The following SYNPR variants were observed in gnomAD, a reference collection of about 807,000 sequenced individuals.
The protein encoded by SYNPR is synaptoporin.
A neutral mutation model predicts 32.9 loss-of-function variants in SYNPR; 23 were observed. That is an observed-to-expected ratio of 0.70 (90% confidence interval 0.50 to 0.99). The LOEUF (loss-of-function observed/expected upper bound fraction) is 0.99. Ranked by LOEUF, SYNPR falls within the 50% of genes least tolerant of loss-of-function variation. The pLI, the probability that SYNPR is intolerant of heterozygous loss-of-function variation, is 0.00. For synonymous variants in SYNPR, 146 were observed against 135.9 expected (o/e 1.07, Z -0.52); for missense variants, 318 against 349.3 (o/e 0.91, Z 0.71).
At chr3:63,321,890 G>A (rs1266678801) in intron 2 of SYNPR, among the ~76,000 whole-genome samples, 2 of 152,036 alleles carry the variant, frequency 1.3e-5, no homozygotes, top group Non-Finnish European at 2.9e-5. Context: ...TTCCCTTGAA[G>A]AGGTCAACTA....
At chr3:63,562,805 T>G (rs965959051) in intron 4 of SYNPR, among the ~76,000 whole-genome samples, 2 of 152,208 alleles carry the variant, frequency 1.3e-5, no homozygotes, top group African/African-American at 2.4e-5. Context: ...CCAGTGATCT[T>G]CAGGGTAGTG....
intron 2 of SYNPR, among the ~76,000 whole-genome samples, chr3:63,415,587 G>A (rs936354628): frequency 2.0e-5 from 3 of 152,154 alleles, no homozygotes; most frequent in Non-Finnish European, 4.4e-5. Context: ...TAGCACAAAA[G>A]CAGCCATAGA....
At chr3:63,333,248 A>G (rs574077490) in intron 2 of SYNPR, among the ~76,000 whole-genome samples, 1 of 151,876 alleles carries the variant, frequency 6.6e-6, no homozygotes, top group Non-Finnish European at 1.5e-5. Context: ...ACCTTAATCA[A>G]CAGTGAGTTC....
intron 3 of SYNPR, among the ~76,000 whole-genome samples, chr3:63,548,967 G>C (rs1447944007): frequency 6.6e-6 from 1 of 152,196 alleles, no homozygotes; most frequent in Non-Finnish European, 1.5e-5. Context: ...GACCATAATA[G>C]TGTGGTGCTA....
chr3:63,319,713 G>A (rs1480327855), intron 2 of SYNPR, among the ~76,000 whole-genome samples: 1 of 151,790 alleles, frequency 6.6e-6, no homozygotes, highest in Non-Finnish European at 1.5e-5. Flanking sequence ...ACAATCTACA[G>A]AGTCAATGCA....
At chr3:63,238,495 T>C (rs1442979973) in intron 1 of SYNPR, among the ~76,000 whole-genome samples, 2 of 152,028 alleles carry the variant, frequency 1.3e-5, no homozygotes, top group African/African-American at 4.8e-5. Flanking sequence ...TCTGCTGAGA[T>C]ATAATTTTGG....
intron 2 of SYNPR, among the ~76,000 whole-genome samples, chr3:63,347,902 TG>T: frequency 1.3e-5 from 2 of 151,666 alleles, no homozygotes; most frequent in Non-Finnish European, 2.9e-5. Context: ...TGTGTGTGTG[TG>T]TGTGTGTGTG....
At chr3:63,300,331 T>TCCTATCTATCTATCTATCTATCTA (rs145289436) in intron 2 of SYNPR, among the ~76,000 whole-genome samples, 1 of 151,326 alleles carries the variant, frequency 6.6e-6, no homozygotes, top group Non-Finnish European at 1.5e-5. Flanking sequence ...CATTCTTTGC[T>TCCTATCTATCTATCTATCTATCTA]TCTATCTATC....
chr3:63,407,936 T>A (rs1283201882), intron 2 of SYNPR, among the ~76,000 whole-genome samples: 1 of 151,958 alleles, frequency 6.6e-6, no homozygotes, highest in Admixed American at 6.6e-5. Flanking sequence ...TGTTGGGGCT[T>A]GGCAAAGATA....
intron 3 of SYNPR, among the ~76,000 whole-genome samples, chr3:63,514,913 A>G (rs1183922039): frequency 1.3e-5 from 2 of 152,078 alleles, no homozygotes; most frequent in East Asian, 3.9e-4. Context: ...AACATTTGTG[A>G]TGTAAGTTTA....
At chr3:63,276,560 C>A (rs2086575316), upstream of SYNPR, among the ~76,000 whole-genome samples, 1 of 152,086 alleles carries the variant, frequency 6.6e-6, no homozygotes. Context: ...TAAGTAACTT[C>A]CCCCATAAGA....
chr3:63,403,767 G>A (rs1432928293), intron 2 of SYNPR, among the ~76,000 whole-genome samples: 1 of 152,138 alleles, frequency 6.6e-6, no homozygotes, highest in Non-Finnish European at 1.5e-5. Flanking sequence ...AGGAGACCAG[G>A]ATGTAACCTA....
chr3:63,491,493 T>C (rs1701255864), intron 3 of SYNPR, among the ~76,000 whole-genome samples: 3 of 152,158 alleles, frequency 2.0e-5, no homozygotes, highest in African/African-American at 7.2e-5. Flanking sequence ...GAATGGCTTT[T>C]ACACTTTTAA....
At chr3:63,593,557 A>T (rs1699878643) in intron 4 of SYNPR, among the ~76,000 whole-genome samples, 1 of 152,180 alleles carries the variant, frequency 6.6e-6, no homozygotes, top group African/African-American at 2.4e-5. Context: ...CAGCTAAGCC[A>T]CCACAGATTA....
chr3:63,421,928 T>C (rs986247165), intron 2 of SYNPR, among the ~76,000 whole-genome samples: 1 of 152,262 alleles, frequency 6.6e-6, no homozygotes, highest in African/African-American at 2.4e-5. Context: ...TTCTGACTTT[T>C]AGAACCTCTT....
intron 3 of SYNPR, among the ~76,000 whole-genome samples, chr3:63,511,401 C>T (rs561664361): frequency 1.3e-5 from 2 of 152,278 alleles, no homozygotes; most frequent in East Asian, 3.9e-4. Flanking sequence ...CCATTCTGTT[C>T]ACATGTTTTA....
chr3:63,536,181 AC>A (rs1406310437), intron 3 of SYNPR, among the ~76,000 whole-genome samples: 1 of 152,130 alleles, frequency 6.6e-6, no homozygotes, highest in African/African-American at 2.4e-5. Context: ...AAGTGAATAA[AC>A]CATCTACAGA....
chr3:63,524,465 C>A (rs9826924), intron 3 of SYNPR, among the ~76,000 whole-genome samples: 5,344 of 152,170 alleles, frequency 0.035, 297 homozygotes, highest in African/African-American at 0.12. Flanking sequence ...TGACACAAAC[C>A]ATATCATCCT....
intron 2 of SYNPR, among the ~76,000 whole-genome samples, chr3:63,456,851 C>A (rs1366417945): frequency 6.6e-6 from 1 of 152,076 alleles, no homozygotes; most frequent in Non-Finnish European, 1.5e-5. Flanking sequence ...GCCTTTAAGT[C>A]CTCATCCTCA....
Sources: allele counts gnomAD v4.1 joint callset (sites outside exome capture counted in the v4.1 genomes callset), GRCh38; gene constraint gnomAD v4.1.1; transcripts MANE v1.5; gene names NCBI Gene and HGNC (gene_info 2026-07-23, HGNC 2026-07-21).